Variants in ADGRL3 observed in about 807,000 individuals in gnomAD.
The protein encoded by ADGRL3 is calcium-independent alpha-latrotoxin receptor 3.
ADGRL3 carries 62 observed loss-of-function variants against 153.5 expected under a neutral mutation model. That is an observed-to-expected ratio of 0.40 (90% CI 0.33 to 0.50). The LOEUF is 0.50. Ranked by LOEUF, ADGRL3 falls within the 20% of genes least tolerant of loss-of-function variation. The pLI is 0.47. For missense variants in ADGRL3, 1,641 were observed against 1,859.4 expected, an observed-to-expected ratio of 0.88 and a Z score of 2.16; for synonymous variants, 710 against 672.5, an observed-to-expected ratio of 1.06 and a Z score of -0.86.
In ADGRL3 at chr4:61,308,173, C is replaced by T. The variant is rs184376257; in HGVS notation, c.-239-74951C>T. ...GAAGGGCCTCACCCTGGAGGGGTGA[C>T]GATCATGCGTTAGCTGTTCCACCCA... On this transcript the variant is annotated intron_variant, in intron 1 of 26. Transcript: ENST00000683033. Among the ~76,000 whole-genome samples, 285 of 152,248 alleles carry T rather than the reference C, an allele frequency of 1.9e-3. 1 individual carries two copies. The highest frequency in any genetic ancestry group is 3.5e-3 in the Non-Finnish European group (235 of 68,014).
chr4:61,346,590 A>G (rs1417292511), intron 1 of ADGRL3, among the ~76,000 whole-genome samples: 1 of 145,190 alleles, frequency 6.9e-6, no homozygotes, highest in Non-Finnish European at 1.5e-5. Flanking sequence ...ATAGCAAGAC[A>G]CTGTCTTTAC....
chr4:61,868,895 A>G (rs1476468694), intron 9 of ADGRL3, among the ~76,000 whole-genome samples: 3 of 151,894 alleles, frequency 2.0e-5, no homozygotes, highest in Non-Finnish European at 4.4e-5. Context: ...TTAATTGTCC[A>G]AGTACTACCA....
intron 2 of ADGRL3, among the ~76,000 whole-genome samples, chr4:61,392,979 C>T (rs1423776191): frequency 2.6e-5 from 4 of 151,848 alleles, no homozygotes; most frequent in Admixed American, 2.6e-4. Context: ...ATCTAAGAGC[C>T]GCTGAGTTAT....
At chr4:61,871,089 T>C (rs181597444) in intron 9 of ADGRL3, among the ~76,000 whole-genome samples, 2,210 of 151,588 alleles carry the variant, frequency 0.015, 42 homozygotes, top group South Asian at 0.054. Flanking sequence ...CCATCCTGGC[T>C]AACACGGTGA....
At chr4:61,794,782 A>G (rs554608085) in intron 8 of ADGRL3, among the ~76,000 whole-genome samples, 2 of 152,204 alleles carry the variant, frequency 1.3e-5, no homozygotes, top group Non-Finnish European at 2.9e-5. Flanking sequence ...TGTAAGTTTT[A>G]AGCCTAAATG....
intron 5 of ADGRL3, among the ~76,000 whole-genome samples, chr4:61,651,439 C>G (rs2094245118): frequency 6.6e-6 from 1 of 152,056 alleles, no homozygotes; most frequent in Admixed American, 6.6e-5. Context: ...TTGCAGTAGC[C>G]TTATCAGCAT....
At position 61,434,609 on chromosome 4, in the gene ADGRL3, C is replaced by T. The variant is rs556990616; in HGVS notation, c.-174+51420C>T. On this transcript the variant is annotated intron_variant, in intron 2 of 26. Transcript: ENST00000683033. ...TTTATCAATGCTTGCTTAATGATTA[C>T]TCCGAATCCTGCTGACTATTTTTAA... 6.7e-5 allele frequency among the ~76,000 whole-genome samples: 8 copies of T among 119,558 alleles called. No homozygotes were observed. The South Asian group carries it at 1.8e-3, about 28-fold the overall frequency. 78.4% of individuals were successfully genotyped at this position (119,558 alleles called of 152,430 possible).
intron 2 of ADGRL3, among the ~76,000 whole-genome samples, chr4:61,485,001 G>C (rs958088436): frequency 1.3e-5 from 2 of 152,100 alleles, no homozygotes; most frequent in African/African-American, 4.8e-5. Flanking sequence ...ATTTAAATAA[G>C]CTCTTAATCA....
intron 4 of ADGRL3, among the ~76,000 whole-genome samples, chr4:61,554,281 C>T (rs933481395): frequency 6.6e-6 from 1 of 151,650 alleles, no homozygotes; most frequent in Admixed American, 6.6e-5. Flanking sequence ...GCAACCTCCA[C>T]CTCCCAGGTT....
At chr4:61,997,455 A>C (rs2099125617) in intron 20 of ADGRL3, among the ~76,000 whole-genome samples, 1 of 152,012 alleles carries the variant, frequency 6.6e-6, no homozygotes. Context: ...TGTATTTTTG[A>C]GAGTATTTCA....
At chr4:61,405,778 G>A (rs1434693930) in intron 2 of ADGRL3, among the ~76,000 whole-genome samples, 1 of 151,778 alleles carries the variant, frequency 6.6e-6, no homozygotes, top group Non-Finnish European at 1.5e-5. Flanking sequence ...TTTCCACGTG[G>A]CCTAATGGTA....
chr4:62,055,671 G>GT (rs923703931), intron 25 of ADGRL3, among the ~76,000 whole-genome samples: 7 of 151,008 alleles, frequency 4.6e-5, no homozygotes, highest in Middle Eastern at 3.2e-3. Context: ...TCTATTCGTT[G>GT]TTTTTTTTAA....
chr4:61,858,489 C>T (rs1226366158), intron 9 of ADGRL3, among the ~76,000 whole-genome samples: 5 of 152,072 alleles, frequency 3.3e-5, no homozygotes, highest in Non-Finnish European at 5.9e-5. Context: ...GGCGTAGTGG[C>T]GCGTGCATGC....
intron 8 of ADGRL3, among the ~76,000 whole-genome samples, chr4:61,783,778 A>C (rs953218299): frequency 6.6e-6 from 1 of 152,082 alleles, no homozygotes; most frequent in Non-Finnish European, 1.5e-5. Context: ...TAATAATAAT[A>C]AATCTTAAAC....
At chr4:62,028,905 T>G in intron 22 of ADGRL3, 24 bp downstream of exon 22, 1 of 1,598,448 alleles carries the variant, frequency 6.3e-7, no homozygotes, top group Non-Finnish European at 8.5e-7. Context: ...GAATGGCTGA[T>G]AAATTCCGTT....
At chr4:61,812,230 GA>G in intron 8 of ADGRL3, among the ~76,000 whole-genome samples, 1 of 152,234 alleles carries the variant, frequency 6.6e-6, no homozygotes, top group African/African-American at 2.4e-5. Flanking sequence ...GTATTCCACT[GA>G]AACATGGCCA....
chr4:61,316,911 T>A (rs1418895235), intron 1 of ADGRL3, among the ~76,000 whole-genome samples: 1 of 152,204 alleles, frequency 6.6e-6, no homozygotes, highest in Non-Finnish European at 1.5e-5. Flanking sequence ...GTCTGGAAAC[T>A]ATGTAAAAAG....
intron 1 of ADGRL3, among the ~76,000 whole-genome samples, chr4:61,330,236 T>A (rs1256088013): frequency 6.6e-6 from 1 of 152,166 alleles, no homozygotes; most frequent in East Asian, 1.9e-4. Context: ...TGGTTAAACA[T>A]TATTTCTAGG....
chr4:61,394,717 G>A (rs750581290), intron 2 of ADGRL3, among the ~76,000 whole-genome samples: 1 of 151,962 alleles, frequency 6.6e-6, no homozygotes, highest in Non-Finnish European at 1.5e-5. Context: ...GCTTGGTTTG[G>A]CTTACTGCTG....
Sources: allele counts gnomAD v4.1 joint callset (sites outside exome capture counted in the v4.1 genomes callset), GRCh38; gene constraint gnomAD v4.1.1; transcripts MANE v1.5; gene names NCBI Gene and HGNC (gene_info 2026-07-23, HGNC 2026-07-21).